Variants in SND1 observed in about 807,000 individuals in gnomAD.
SND1 encodes the protein staphylococcal nuclease and tudor domain containing 1, also known as staphylococcal nuclease domain-containing protein 1.
Under a neutral mutation model 121.7 loss-of-function variants are expected in SND1, and 38 were observed. The observed-to-expected ratio is 0.31, with a 90% confidence interval of 0.24 to 0.41. The LOEUF is 0.41. Ranked by LOEUF, SND1 falls within the 10% of genes least tolerant of loss-of-function variation. The pLI is 1.00. For missense variants in SND1, 868 were observed against 1,184.6 expected (o/e 0.73, Z 3.92); for synonymous variants, 401 against 447.4 (o/e 0.90, Z 1.31).
intron 2 of SND1, among the ~76,000 whole-genome samples, chr7:127,691,559 T>A (rs536665318): frequency 1.3e-5 from 2 of 151,790 alleles, no homozygotes; most frequent in South Asian, 2.1e-4. Context: ...AAATAAATAA[T>A]TAAATAAAAC....
chr7:127,654,523 T>C (rs1795178922), intron 1 of SND1, among the ~76,000 whole-genome samples: 1 of 152,182 alleles, frequency 6.6e-6, no homozygotes, highest in Admixed American at 6.5e-5. Context: ...GGGCCAGTGA[T>C]GCATAACCAC....
chr7:127,962,315 G>A (rs991778784), intron 15 of SND1, among the ~76,000 whole-genome samples: 2 of 152,162 alleles, frequency 1.3e-5, no homozygotes, highest in Non-Finnish European at 2.9e-5. Context: ...AAGAATACAC[G>A]ATCTTGGTTG....
intron 14 of SND1, among the ~76,000 whole-genome samples, chr7:127,906,531 T>C (rs1473527568): frequency 6.6e-6 from 1 of 152,184 alleles, no homozygotes; most frequent in African/African-American, 2.4e-5. Flanking sequence ...TTATAAGTGC[T>C]TTGGAAAATG....
At chr7:127,913,110 T>A (rs1800493123) in intron 14 of SND1, among the ~76,000 whole-genome samples, 1 of 152,166 alleles carries the variant, frequency 6.6e-6, no homozygotes, top group Non-Finnish European at 1.5e-5. Flanking sequence ...ATTCAACACC[T>A]CAGAAAATGT....
intron 13 of SND1, among the ~76,000 whole-genome samples, chr7:127,895,978 A>T (rs755109359): frequency 5.3e-5 from 8 of 151,926 alleles, no homozygotes; most frequent in Non-Finnish European, 8.8e-5. Flanking sequence ...GACGCCCTTT[A>T]GCTTTATCTC....
intron 16 of SND1, among the ~76,000 whole-genome samples, chr7:128,064,771 A>G (rs982885946): frequency 2.0e-5 from 3 of 152,220 alleles, no homozygotes; most frequent in Non-Finnish European, 2.9e-5. Context: ...GGAAGAATTC[A>G]CAATTGCTAC....
intron 13 of SND1, among the ~76,000 whole-genome samples, chr7:127,890,957 C>G (rs969252118): frequency 2.6e-5 from 4 of 152,112 alleles, no homozygotes; most frequent in African/African-American, 9.7e-5. Flanking sequence ...AACCACTTCC[C>G]TTTGCCCATG....
intron 16 of SND1, among the ~76,000 whole-genome samples, chr7:128,003,960 C>G (rs1802899285): frequency 6.6e-6 from 1 of 152,092 alleles, no homozygotes; most frequent in Non-Finnish European, 1.5e-5. Flanking sequence ...TCCAAACACC[C>G]AGGGTGCACT....
intron 15 of SND1, among the ~76,000 whole-genome samples, chr7:127,978,012 A>T (rs1403430173): frequency 6.6e-6 from 1 of 152,148 alleles, no homozygotes; most frequent in Non-Finnish European, 1.5e-5. Flanking sequence ...AGGACATCCA[A>T]GGGGAGACGT....
rs1792959098 is a variant in SND1 at position 128,046,912 on chromosome 7, A to G, written c.1780-27590A>G. On this transcript the variant is annotated intron_variant, in intron 16 of 23. Transcript: ENST00000354725. ...TTACAGTAATTGTAGGAATTTCAGA[A>G]TATTGTTTACTCTTACCACTTCTTT... 1.3e-5 allele frequency among the ~76,000 whole-genome samples: 2 copies of G among 152,230 alleles called. 1 individual carries two copies. The highest frequency in any genetic ancestry group is 1.3e-4 in the Admixed American group (2 of 15,274).
chr7:128,066,947 C>T (rs1793325875), intron 16 of SND1, among the ~76,000 whole-genome samples: 2 of 152,156 alleles, frequency 1.3e-5, no homozygotes, highest in Admixed American at 1.3e-4. Flanking sequence ...CCTTGGGCTC[C>T]GAGTCATTAT....
intron 10 of SND1, among the ~76,000 whole-genome samples, chr7:127,766,568 G>C (rs1282979664): frequency 1.3e-5 from 2 of 151,940 alleles, no homozygotes; most frequent in African/African-American, 2.4e-5. Flanking sequence ...GAGGTCAGGA[G>C]ATCAAGACCA....
intron 16 of SND1, among the ~76,000 whole-genome samples, chr7:128,059,130 C>G (rs1455586626): frequency 6.6e-6 from 1 of 152,214 alleles, no homozygotes; most frequent in East Asian, 1.9e-4. Flanking sequence ...CCTAGACATT[C>G]CCTATGCTGG....
At chr7:127,955,638 C>G (rs1035528445) in intron 15 of SND1, among the ~76,000 whole-genome samples, 1 of 152,180 alleles carries the variant, frequency 6.6e-6, no homozygotes, top group African/African-American at 2.4e-5. Flanking sequence ...ACCTGCCCCC[C>G]AGTCCCCTTT....
intron 15 of SND1, among the ~76,000 whole-genome samples, chr7:127,975,329 G>A (rs1460296858): frequency 2.0e-5 from 3 of 152,138 alleles, no homozygotes; most frequent in African/African-American, 7.2e-5. Context: ...GTTTGTATGT[G>A]TGGGCGCGCG....
chr7:127,673,784 A>C (rs952298314), intron 1 of SND1, among the ~76,000 whole-genome samples: 2 of 152,098 alleles, frequency 1.3e-5, no homozygotes, highest in Admixed American at 6.6e-5. Flanking sequence ...TTGATTTTAA[A>C]GTTGTCCCAG....
Position 128,029,454 on chromosome 7 carries a change from G to A in SND1, c.1779+38398G>A, listed in dbSNP as rs1259581859. The A allele has an allele frequency of 1.2e-6, 2 of 1,614,194 alleles. No individual in the cohort carries two copies. Among genetic ancestry groups the A allele is most frequent in the Non-Finnish European group, 1.7e-6 (2 of 1,180,040 alleles). ...GAGGACAGAGATCCTTGGGTGGCGG[G>A]AGGCGTGGCTGAGCACTGTCCCATT... On this transcript the variant is annotated intron_variant, in intron 16 of 23. Coordinates refer to ENST00000354725, the MANE Select transcript of SND1 (RefSeq NM_014390.4). The surrounding 1 kb of genome is among the most constrained non-coding windows in gnomAD (Gnocchi z 4.2).
intron 15 of SND1, among the ~76,000 whole-genome samples, chr7:127,931,815 G>A (rs1327995613): frequency 6.6e-6 from 1 of 152,208 alleles, no homozygotes; most frequent in Non-Finnish European, 1.5e-5. Context: ...AAAAGGAACA[G>A]CAAAGCCTGT....
intron 16 of SND1, among the ~76,000 whole-genome samples, chr7:128,072,236 A>G (rs1793425747): frequency 6.6e-6 from 1 of 152,174 alleles, no homozygotes; most frequent in Admixed American, 6.5e-5. Flanking sequence ...ACATTCTTGC[A>G]CCAACCCCAG....
Sources: allele counts gnomAD v4.1 joint callset (sites outside exome capture counted in the v4.1 genomes callset), GRCh38; gene constraint gnomAD v4.1.1; non-coding constraint Gnocchi (gnomAD v3.1); transcripts MANE v1.5; gene names NCBI Gene and HGNC (gene_info 2026-07-23, HGNC 2026-07-21).